Variants in CYYR1 observed in about 807,000 individuals in gnomAD.
CYYR1 encodes cysteine and tyrosine rich 1, also known as cysteine and tyrosine-rich protein 1.
Under a neutral mutation model 15.2 loss-of-function variants are expected in CYYR1, and 14 were observed. That is an observed-to-expected ratio of 0.92 (90% CI 0.61 to 1.44). The LOEUF (loss-of-function observed/expected upper bound fraction) is 1.44. Ranked by LOEUF, CYYR1 falls within the 40% of genes most tolerant of loss-of-function variation. The probability of loss-of-function intolerance (pLI) is 0.00; values close to 1 mark genes in which losing one functional copy is unlikely to be tolerated. For missense variants in CYYR1, 228 were observed against 209.5 expected, an observed-to-expected ratio of 1.09 and a Z score of -0.54; for synonymous variants, 80 against 77.4, an observed-to-expected ratio of 1.03 and a Z score of -0.18.
At chr21:26,503,038 G>T (rs1376526839) in intron 2 of CYYR1, among the ~76,000 whole-genome samples, 1 of 152,172 alleles carries the variant, frequency 6.6e-6, no homozygotes, top group East Asian at 1.9e-4. Context: ...AATGCAAGTA[G>T]ATGGAACTCA....
intron 2 of CYYR1, among the ~76,000 whole-genome samples, chr21:26,554,153 T>C (rs1254564052): frequency 1.3e-5 from 2 of 152,158 alleles, no homozygotes; most frequent in African/African-American, 2.4e-5. Context: ...TTCTCAACTG[T>C]TACATACAAA....
chr21:26,523,987 G>A (rs1458545857), intron 2 of CYYR1, among the ~76,000 whole-genome samples: 2 of 152,142 alleles, frequency 1.3e-5, no homozygotes, highest in Non-Finnish European at 2.9e-5. Context: ...GAGCTTTTGT[G>A]AGACAGTTAG....
At chr21:26,564,751 A>G in intron 2 of CYYR1, 1 of 1,226,744 alleles carries the variant, frequency 8.2e-7, no homozygotes, top group Non-Finnish European at 1.1e-6. Context: ...GAGCCAGATG[A>G]CCAAAGAATC....
At chr21:26,508,464 T>A (rs1442447893) in intron 2 of CYYR1, among the ~76,000 whole-genome samples, 1 of 152,194 alleles carries the variant, frequency 6.6e-6, no homozygotes, top group East Asian at 1.9e-4. Context: ...GAAAAAACTT[T>A]TAGAAATGGT....
rs71183558 is a variant in CYYR1, at chr21:26,520,113, G to GATATAT, written c.177-39690_177-39685dup. Among the ~76,000 whole-genome samples the GATATAT allele has an allele frequency of 8.1e-3, 983 of 120,652 alleles. 17 individuals carry two copies. Among genetic ancestry groups the GATATAT allele is most frequent in the South Asian group, 0.014 (52 of 3,750 alleles). The allele number at this position is 120,652 out of a possible 152,430, so 79.2% of individuals were successfully genotyped here. A position where few individuals can be genotyped will look rare whatever the true frequency, so the allele number is the denominator to read the frequency against. ...TCTTCTTCTAAAAAAAAACCCAGGAGATATATATATATATATATATATATA... is the reference window on the plus strand; with the variant it reads ...TCTTCTTCTAAAAAAAAACCCAGGAGATATATATATATATATATATATATATATATA... On this transcript the variant is annotated intron_variant, in intron 2 of 3. Coordinates refer to ENST00000652641, the MANE Select transcript of CYYR1 (RefSeq NM_001320768.2).
At chr21:26,469,058 C>T (rs2065002937) in intron 3 of CYYR1, among the ~76,000 whole-genome samples, 1 of 152,130 alleles carries the variant, frequency 6.6e-6, no homozygotes, top group Admixed American at 6.5e-5. Context: ...ATCAGAGATT[C>T]TTTGAACATG....
chr21:26,532,898 AT>A (rs1197675474), intron 2 of CYYR1, among the ~76,000 whole-genome samples: 1 of 152,180 alleles, frequency 6.6e-6, no homozygotes, highest in Admixed American at 6.6e-5. Flanking sequence ...TTATTAAAAA[AT>A]GTCGTATAAA....
chr21:26,553,903 T>C (rs1408612232), intron 2 of CYYR1, among the ~76,000 whole-genome samples: 1 of 152,202 alleles, frequency 6.6e-6, no homozygotes, highest in Non-Finnish European at 1.5e-5. Context: ...CATTTTAGAA[T>C]TGATAGACCT....
At chr21:26,526,891 C>T (rs1601793520) in intron 2 of CYYR1, among the ~76,000 whole-genome samples, 1 of 152,226 alleles carries the variant, frequency 6.6e-6, no homozygotes, top group East Asian at 1.9e-4. Context: ...AGCATTTAAA[C>T]ATTTGAGAAC....
chr21:26,504,187 G>C (rs1601762985), intron 2 of CYYR1, among the ~76,000 whole-genome samples: 1 of 151,748 alleles, frequency 6.6e-6, no homozygotes, highest in Non-Finnish European at 1.5e-5. Context: ...CAGACACCAA[G>C]TACAAATTAT....
Position 26,571,714 on chromosome 21 carries a change from A to G in CYYR1, c.73+1154T>C, listed in dbSNP as rs566950535. Among the ~76,000 whole-genome samples the G allele has an allele frequency of 2.0e-5, 3 of 152,368 alleles. No individual in the cohort carries two copies. In the South Asian group the frequency reaches 6.2e-4, roughly 32 times the overall value. On this transcript the variant is annotated intron_variant, in intron 1 of 3. Transcript: ENST00000652641. Reference sequence around the variant, plus strand: ...ATCCCTCAAATTCTGAAAACCTTATACAAATTTAATAAAAGAAATAAATGT... The same window carrying G: ...ATCCCTCAAATTCTGAAAACCTTATGCAAATTTAATAAAAGAAATAAATGT...
intron 2 of CYYR1, among the ~76,000 whole-genome samples, chr21:26,517,429 C>A (rs188169588): frequency 6.6e-6 from 1 of 152,286 alleles, no homozygotes; most frequent in Admixed American, 6.5e-5. Context: ...ATTTGTCTAT[C>A]TAGCTATATT....
At chr21:26,536,187 C>A (rs914667355) in intron 2 of CYYR1, among the ~76,000 whole-genome samples, 1 of 152,182 alleles carries the variant, frequency 6.6e-6, no homozygotes, top group African/African-American at 2.4e-5. Flanking sequence ...GGGCAAAGTC[C>A]ACCCCCATGA....
At chr21:26,491,568 C>A (rs2065329196) in intron 2 of CYYR1, among the ~76,000 whole-genome samples, 1 of 152,118 alleles carries the variant, frequency 6.6e-6, no homozygotes, top group Non-Finnish European at 1.5e-5. Flanking sequence ...CCTGGCAGAA[C>A]AGCATCTGCT....
intron 3 of CYYR1, among the ~76,000 whole-genome samples, chr21:26,476,679 A>G (rs2830247): frequency 0.062 from 9,367 of 152,030 alleles, 431 homozygotes; most frequent in Admixed American, 0.14. Context: ...ACAGGACTCA[A>G]TAATATACGT....
intron 3 of CYYR1, among the ~76,000 whole-genome samples, chr21:26,472,643 A>T (rs1345442547): frequency 6.6e-6 from 1 of 152,064 alleles, no homozygotes; most frequent in Non-Finnish European, 1.5e-5. Flanking sequence ...CTAAATGAGG[A>T]TCTTAATTTC....
intron 2 of CYYR1, among the ~76,000 whole-genome samples, chr21:26,519,197 A>G (rs2065771775): frequency 6.6e-6 from 1 of 152,222 alleles, no homozygotes; most frequent in South Asian, 2.1e-4. Context: ...TAAGTAAGAT[A>G]ACTGTCCTAC....
intron 2 of CYYR1, among the ~76,000 whole-genome samples, chr21:26,548,016 T>C (rs906246158): frequency 2.6e-5 from 4 of 152,204 alleles, no homozygotes; most frequent in Non-Finnish European, 4.4e-5. Context: ...TCTACTGTTA[T>C]CACTATTTTA....
intron 2 of CYYR1, among the ~76,000 whole-genome samples, chr21:26,537,355 C>A (rs972772758): frequency 6.6e-6 from 1 of 152,096 alleles, no homozygotes. Context: ...CAACTCAGAA[C>A]ACATAAAGGG....
Sources: allele counts gnomAD v4.1 joint callset (sites outside exome capture counted in the v4.1 genomes callset), GRCh38; gene constraint gnomAD v4.1.1; transcripts MANE v1.5; gene names NCBI Gene and HGNC (gene_info 2026-07-23, HGNC 2026-07-21).